Variants in KLHDC1 observed in about 807,000 individuals in gnomAD.
KLHDC1 encodes the protein kelch domain-containing protein 1.
A neutral mutation model predicts 68.3 loss-of-function variants in KLHDC1; 53 were observed. The ratio of observed to expected loss-of-function variants is 0.78; its 90% CI spans 0.62 to 0.98. The LOEUF is 0.98. KLHDC1 is among the 50% of genes least tolerant of loss of function. The pLI, the probability that KLHDC1 is intolerant of heterozygous loss-of-function variation, is 0.00. For synonymous variants in KLHDC1, 148 were observed against 159.0 expected (o/e 0.93, Z 0.52); for missense variants, 470 against 492.3 (o/e 0.95, Z 0.43).
intron 4 of KLHDC1, among the ~76,000 whole-genome samples, chr14:49,721,911 A>G (rs1566608106): frequency 6.6e-6 from 1 of 152,072 alleles, no homozygotes; most frequent in Non-Finnish European, 1.5e-5. Flanking sequence ...CAGGTACTCT[A>G]TAGGGTGTAA....
chr14:49,695,163 C>G (rs1022122155), intron 1 of KLHDC1, among the ~76,000 whole-genome samples: 1 of 117,836 alleles, frequency 8.5e-6, no homozygotes. Flanking sequence ...GAGACAATCT[C>G]TCCTGCAACC....
chr14:49,696,059 C>CT (rs1204718265), intron 1 of KLHDC1, among the ~76,000 whole-genome samples: 4 of 144,916 alleles, frequency 2.8e-5, no homozygotes, highest in Non-Finnish European at 6.0e-5. Flanking sequence ...GAGTGAGACT[C>CT]TGTCTCAGAA....
intron 4 of KLHDC1, among the ~76,000 whole-genome samples, chr14:49,715,518 G>A (rs1310382206): frequency 2.0e-5 from 3 of 151,096 alleles, no homozygotes; most frequent in East Asian, 1.9e-4. Flanking sequence ...AGGCCAAGGC[G>A]GGCAGATTAC....
rs545421615 is a variant in KLHDC1 at position 49,701,748 on chromosome 14, C to A, written c.97-7411C>A. On this transcript the variant is annotated intron_variant, in intron 1 of 12. Coordinates refer to ENST00000359332, the MANE Select transcript of KLHDC1 (RefSeq NM_172193.3). ...ATGGCAAAGGAGAAAATATTTGTAA[C>A]CAGGGTCGGGTGTGGTGGCTCATGC... Among the ~76,000 whole-genome samples, 3 of 152,194 alleles carry A rather than the reference C, an allele frequency of 2.0e-5. No homozygotes were observed. The South Asian group carries it at 6.2e-4, about 32-fold the overall frequency.
At chr14:49,693,640 G>A (rs1369187875) in intron 1 of KLHDC1, among the ~76,000 whole-genome samples, 1 of 151,858 alleles carries the variant, frequency 6.6e-6, no homozygotes, top group African/African-American at 2.4e-5. Flanking sequence ...AGGACCCGAG[G>A]ACGCCGTGCT....
intron 1 of KLHDC1, among the ~76,000 whole-genome samples, chr14:49,703,405 T>C (rs1887961162): frequency 6.6e-6 from 1 of 151,856 alleles, no homozygotes; most frequent in Non-Finnish European, 1.5e-5. Context: ...TGCAGTGACA[T>C]GATCTTAGCT....
chr14:49,693,413 GC>G, intron 1 of KLHDC1, 123 bp downstream of exon 1: 4 of 527,946 alleles, frequency 7.6e-6, no homozygotes, highest in Non-Finnish European at 1.2e-5. Flanking sequence ...GGCGCCTGCA[GC>G]CCCCCAGCCC....
intron 4 of KLHDC1, among the ~76,000 whole-genome samples, chr14:49,723,469 T>C (rs994227791): frequency 6.6e-6 from 1 of 151,626 alleles, no homozygotes; most frequent in Admixed American, 6.6e-5. Context: ...GAGGTGGAGG[T>C]TGCAGTGAGC....
intron 4 of KLHDC1, among the ~76,000 whole-genome samples, chr14:49,719,331 C>A (rs1888467666): frequency 6.6e-6 from 1 of 151,764 alleles, no homozygotes; most frequent in Non-Finnish European, 1.5e-5. Flanking sequence ...AAGGTAATTT[C>A]TAATTTCCGT....
intron 4 of KLHDC1, among the ~76,000 whole-genome samples, chr14:49,717,541 A>G (rs552913674): frequency 1.5e-4 from 23 of 152,112 alleles, no homozygotes; most frequent in African/African-American, 5.3e-4. Flanking sequence ...TTACCCATTT[A>G]AAAAAAATGA....
chr14:49,702,142 T>G (rs1404703788), intron 1 of KLHDC1, among the ~76,000 whole-genome samples: 2 of 139,884 alleles, frequency 1.4e-5, no homozygotes, highest in Admixed American at 1.6e-4. Context: ...CATTCCAGCC[T>G]GGGCAACAAG....
intron 12 of KLHDC1, among the ~76,000 whole-genome samples, chr14:49,745,945 C>T (rs750931873): frequency 2.4e-4 from 36 of 151,870 alleles, no homozygotes; most frequent in Middle Eastern, 3.4e-3. Flanking sequence ...ACAGAGTGGA[C>T]GAAAAATTGA....
At chr14:49,729,586 A>C in intron 8 of KLHDC1, 38 bp downstream of exon 8, 1 of 1,310,708 alleles carries the variant, frequency 7.6e-7, no homozygotes, top group East Asian at 2.3e-5. Flanking sequence ...ATCTATAGGC[A>C]TGTGTATGTG....
rs1889325861 is a variant in KLHDC1, at chr14:49,751,761, A to G, written c.1210A>G (p.Ser404Gly). The change falls in exon 13 of 13, where the codon AGT becomes GGT. Residue 404 changes from serine (S) to glycine (G), a missense_variant. Physicochemically the swap from Ser to Gly is moderately conservative, Grantham distance 56 (BLOSUM62 0). Transcript: ENST00000359332. ...EETENKYQWISSN is the reference protein window; with the variant it reads ...EETENKYQWIGSN ...AACAGAAAATAAATATCAGTGGATC[A>G]GTAGCAATTAAATTGTTATATACTT... 1 of 1,555,142 alleles carries G rather than the reference A, an allele frequency of 6.4e-7. No individual in the cohort carries two copies. The highest frequency in any genetic ancestry group is 1.4e-5 in the African/African-American group (1 of 72,916).
intron 10 of KLHDC1, 55 bp from the exon 11 acceptor site, chr14:49,740,043 A>T (rs1476506116): frequency 2.2e-6 from 2 of 928,804 alleles, no homozygotes; most frequent in Non-Finnish European, 3.4e-6. Flanking sequence ...TTTATATATA[A>T]TGTACAGTTT....
intron 11 of KLHDC1, among the ~76,000 whole-genome samples, chr14:49,740,582 G>A (rs1033462892): frequency 2.0e-5 from 3 of 151,736 alleles, no homozygotes; most frequent in East Asian, 1.9e-4. Context: ...CTCGTGATCC[G>A]CCCGCCTCAG....
Position 49,743,324 on chromosome 14 carries a change from T to C in KLHDC1, c.982-429T>C, listed in dbSNP as rs904003428. On this transcript the variant is annotated intron_variant, in intron 11 of 12. Coordinates refer to ENST00000359332, the MANE Select transcript of KLHDC1 (RefSeq NM_172193.3). ...CTGAGGCAAGAGAATCGCTTGAACCTGGGAGTTGGAGGTTGCAGTGAGTGG... is the reference window on the plus strand; with the variant it reads ...CTGAGGCAAGAGAATCGCTTGAACCCGGGAGTTGGAGGTTGCAGTGAGTGG... 4.2e-5 allele frequency among the ~76,000 whole-genome samples: 6 copies of C among 142,882 alleles called. No homozygotes were observed. The East Asian group carries it at 1.3e-3, about 30-fold the overall frequency. The allele number at this position is 142,882 out of a possible 152,430, so 93.7% of individuals were successfully genotyped here.
chr14:49,730,899 G>C (rs922232893), intron 8 of KLHDC1, among the ~76,000 whole-genome samples: 9 of 152,178 alleles, frequency 5.9e-5, no homozygotes, highest in African/African-American at 1.9e-4. Context: ...TTGAACCCGG[G>C]AGGTGGAGGT....
chr14:49,717,509 G>A (rs1888410507), intron 4 of KLHDC1, among the ~76,000 whole-genome samples: 3 of 151,970 alleles, frequency 2.0e-5, no homozygotes, highest in African/African-American at 7.3e-5. Context: ...ATCTTCTTTG[G>A]AGAAATGTCT....
Sources: allele counts gnomAD v4.1 joint callset (sites outside exome capture counted in the v4.1 genomes callset), GRCh38; gene constraint gnomAD v4.1.1; transcripts MANE v1.5; gene names NCBI Gene and HGNC (gene_info 2026-07-23, HGNC 2026-07-21).